The following HSP90AB1 variants were observed in gnomAD, a reference collection of about 807,000 sequenced individuals.
HSP90AB1 encodes the protein heat shock protein HSP 90-beta.
HSP90AB1 carries 17 observed loss-of-function variants against 67.8 expected under a neutral mutation model. The ratio of observed to expected loss-of-function variants is 0.25; its 90% CI spans 0.17 to 0.38. The LOEUF is 0.38. Among genes scored for constraint, HSP90AB1 ranks in the 10% least tolerant of loss-of-function variants. The probability of loss-of-function intolerance (pLI) is 1.00; values close to 1 mark genes in which losing one functional copy is unlikely to be tolerated. For missense variants in HSP90AB1, 690 were observed against 899.9 expected, an observed-to-expected ratio of 0.77 and a Z score of 2.98; for synonymous variants, 390 against 312.9, an observed-to-expected ratio of 1.25 and a Z score of -2.60.
At chr6:44,251,941 C>T (rs1402032328) in intron 9 of HSP90AB1, 57 bp downstream of exon 9, 5 of 1,613,086 alleles carry the variant, frequency 3.1e-6, no homozygotes, top group African/African-American at 2.7e-5. Context: ...ATTAGGGCTT[C>T]CTGGGAACTG....
intron 6 of HSP90AB1, 25 bp downstream of exon 6, chr6:44,250,624 CT>C: frequency 5.5e-6 from 7 of 1,275,536 alleles, no homozygotes; most frequent in African/African-American, 1.5e-5. Context: ...TGCATGTTGG[CT>C]CAACATGCAC....
chr6:44,253,436 G>C, intron 11 of HSP90AB1, 53 bp from the exon 12 acceptor site: 1 of 1,604,612 alleles, frequency 6.2e-7, no homozygotes, highest in South Asian at 1.1e-5. Flanking sequence ...CTCCTCTATG[G>C]ATTTGACTTA....
rs1348073275 is a variant in HSP90AB1, at chr6:44,253,518, G to C, written c.2095G>C (p.Glu699Gln). 4 of 1,614,102 alleles carry C rather than the reference G, an allele frequency of 2.5e-6. No individual in the cohort carries two copies. Among genetic ancestry groups the C allele is most frequent in the Non-Finnish European group, 3.4e-6 (4 of 1,179,960 alleles). ...TGATGAAGATGAAGTGGCAGCAGAG[G>C]AACCCAATGCTGCAGTTCCTGATGA... ...GIDEDEVAAE[E>Q]PNAAVPDEIP... Residue 699 changes from glutamate (E) to glutamine (Q), a missense_variant, in exon 12 of 12, where the codon GAA becomes CAA. Physicochemically the swap from Glu to Gln is conservative, Grantham distance 29. Coordinates refer to ENST00000371646, the MANE Select transcript of HSP90AB1 (RefSeq NM_007355.4).
At chr6:44,250,928 T>G in intron 6 of HSP90AB1, 120 bp from the exon 7 acceptor site, 3 of 854,588 alleles carry the variant, frequency 3.5e-6, no homozygotes, top group East Asian at 4.8e-5. Context: ...AGGAGCTGCT[T>G]GTTGTGTGTG....
In HSP90AB1 at chr6:44,253,565, T is replaced by C. The variant is rs1427135962; in HGVS notation, c.2142T>C (p.Asp714=). 2.5e-6 allele frequency: 4 copies of C among 1,613,936 alleles called. No homozygotes were observed. The highest frequency in any genetic ancestry group is 2.7e-5 in the African/African-American group (2 of 74,918). Residue 714 remains aspartate (D), a synonymous_variant, in exon 12 of 12, where the codon GAT becomes GAC. Transcript: ENST00000371646. ...ATGAGATCCCCCCTCTCGAGGGCGA[T>C]GAGGATGCGTCTCGCATGGAAGAAG... The part of the protein sequence containing the change: ...VPDEIPPLEG[D]EDASRMEEVD
Position 44,250,320 on chromosome 6 carries a change from T to C in HSP90AB1, c.678T>C (p.Ser226=), listed in dbSNP as rs569507880. 1.2e-6 allele frequency: 2 copies of C among 1,613,694 alleles called. No individual in the cohort carries two copies. Among genetic ancestry groups the C allele is most frequent in the African/African-American group, 2.7e-5 (2 of 74,912 alleles). The stretch of plus-strand genomic sequence containing the variant: ...AGAAGGAACGAGAGAAGGAAATTAG[T>C]GATGATGAGGCAGAGGAAGAGAAAG... ...YLEKEREKEI[S]DDEAEEEKGE... Residue 226 remains serine (S), a synonymous_variant, in exon 6 of 12, where the codon AGT becomes AGC. Transcript: ENST00000371646.
chr6:44,253,275 G>A lies in HSP90AB1; in HGVS notation c.1962G>A (p.Leu654=), dbSNP rs767880729. The A allele has an allele frequency of 5.6e-6, 9 of 1,614,196 alleles. No homozygotes were observed. Among genetic ancestry groups the A allele is most frequent in the Non-Finnish European group, 7.6e-6 (9 of 1,180,028 alleles). ...AGAATGATAAGGCAGTTAAGGACCT[G>A]GTGGTGCTGCTGTTTGAAACCGCCC... The part of the protein sequence containing the change: ...ADKNDKAVKD[L]VVLLFETALL... Residue 654 remains leucine (L), a synonymous_variant, in exon 11 of 12, where the codon CTG becomes CTA. Transcript: ENST00000371646.
chr6:44,249,966 G>T (rs564361440), intron 4 of HSP90AB1, 55 bp from the exon 5 acceptor site: 1 of 1,605,096 alleles, frequency 6.2e-7, no homozygotes, highest in Admixed American at 1.7e-5. Flanking sequence ...CTAATTGCTG[G>T]TCTCAACTGC....
chr6:44,249,982 C>CT (rs1561898770), intron 4 of HSP90AB1, 39 bp from the exon 5 acceptor site: 1 of 1,612,756 alleles, frequency 6.2e-7, no homozygotes, highest in South Asian at 1.1e-5. Flanking sequence ...ACTGCATATA[C>CT]TTTTTACCCT....
At position 44,253,476 on chromosome 6, in the gene HSP90AB1, A is replaced by C. The variant is rs745720486; in HGVS notation, c.2066-13A>C. 1.9e-6 allele frequency: 3 copies of C among 1,611,994 alleles called. No individual in the cohort carries two copies. The highest frequency in any genetic ancestry group is 1.7e-6 in the Non-Finnish European group (2 of 1,178,218). On this transcript the variant is annotated splice_polypyrimidine_tract_variant and intron_variant, in intron 11 of 11. Coordinates refer to ENST00000371646, the MANE Select transcript of HSP90AB1 (RefSeq NM_007355.4). ...TATTTGGTCAAGTCTCACATGGCTT[A>C]ATTTTACTTCAGGTATTGATGAAGA...
chr6:44,251,931 A>AT (rs1780690442), intron 9 of HSP90AB1, 47 bp downstream of exon 9: 2 of 1,613,224 alleles, frequency 1.2e-6, no homozygotes, highest in Admixed American at 1.7e-5. Context: ...GGGGAGCACA[A>AT]TTAGGGCTTC....
intron 7 of HSP90AB1, 39 bp from the exon 8 acceptor site, chr6:44,251,379 C>A: frequency 6.3e-7 from 1 of 1,579,608 alleles, no homozygotes; most frequent in South Asian, 1.1e-5. Context: ...TCTGGTCTAG[C>A]TGTTTTTTAC....
upstream of HSP90AB1, among the ~76,000 whole-genome samples, chr6:44,246,936 G>C (rs1392715903): frequency 6.6e-6 from 1 of 152,224 alleles, no homozygotes; most frequent in African/African-American, 2.4e-5. Flanking sequence ...TCCGTTGCTT[G>C]GGTTCTTCCC....
intron 8 of HSP90AB1, 22 bp from the exon 9 acceptor site, chr6:44,251,715 T>C: frequency 1.2e-6 from 2 of 1,608,260 alleles, no homozygotes; most frequent in Non-Finnish European, 1.7e-6. Flanking sequence ...CTGGATTGTT[T>C]TTCCTCTTCC....
At chr6:44,248,594 A>C (rs767201978) in intron 1 of HSP90AB1, 36 bp from the exon 2 acceptor site, 1 of 1,588,416 alleles carries the variant, frequency 6.3e-7, no homozygotes. Context: ...ATGGGGCCTT[A>C]GTGTTCTTTT....
At chr6:44,246,590 G>C (rs1193908497), upstream of HSP90AB1, among the ~76,000 whole-genome samples, 1 of 152,232 alleles carries the variant, frequency 6.6e-6, no homozygotes, top group East Asian at 1.9e-4. Flanking sequence ...CTCTACTCCT[G>C]CGAGAGTCGG....
chr6:44,250,747 G>A lies in HSP90AB1; in HGVS notation c.957+148G>A, dbSNP rs996545245. On this transcript the variant is annotated intron_variant, in intron 6 of 11. Coordinates refer to ENST00000371646, the MANE Select transcript of HSP90AB1 (RefSeq NM_007355.4). ...TGTGATTTCACTTACTGATTACCCTGTCATAGTGAAGTGCCATCATTTCTA... is the reference window on the plus strand; with the variant it reads ...TGTGATTTCACTTACTGATTACCCTATCATAGTGAAGTGCCATCATTTCTA... 4.7e-6 allele frequency: 3 copies of A among 639,692 alleles called. No homozygotes were observed. The East Asian group carries it at 8.1e-5, about 17-fold the overall frequency. 39.6% of individuals were successfully genotyped at this position (639,692 alleles called of 1,614,324 possible). A position where few individuals can be genotyped will look rare whatever the true frequency, so the allele number is the denominator to read the frequency against.
chr6:44,250,276 GT>G lies in HSP90AB1; in HGVS notation c.649-10del, dbSNP rs766633065. Reference sequence around the variant, plus strand: ...GTTTTGTACTCCAAGGCTAACTTCTGTTTTTGTTACTTAGTTGGAGAAGGAA... The same window carrying G: ...GTTTTGTACTCCAAGGCTAACTTCTGTTTTGTTACTTAGTTGGAGAAGGAA... On this transcript the variant is annotated splice_polypyrimidine_tract_variant and intron_variant, in intron 5 of 11. Coordinates refer to ENST00000371646, the MANE Select transcript of HSP90AB1 (RefSeq NM_007355.4). 8.1e-6 allele frequency: 13 copies of G among 1,612,240 alleles called. No homozygotes were observed. Among genetic ancestry groups the G allele is most frequent in the Non-Finnish European group, 1.1e-5 (13 of 1,179,108 alleles).
In HSP90AB1 at chr6:44,247,132, T is replaced by C. The variant is rs35074133; in HGVS notation, c.-64T>C. On this transcript the variant is annotated 5_prime_UTR_variant, in exon 1 of 12. Transcript: ENST00000371646. ...AGTCACTCCGGCGCAGTGTTGGGAC[T>C]GTCTGGGTATCGGAAAGCAAGCCTA... is the stretch of plus-strand genomic sequence containing the variant. 2 of 152,080 alleles carry C rather than the reference T, an allele frequency of 1.3e-5. No homozygotes were observed. The highest frequency in any genetic ancestry group is 4.8e-5 in the African/African-American group (2 of 41,432). 9.4% of individuals were successfully genotyped at this position (152,080 alleles called of 1,614,324 possible).
Sources: gnomAD v4.1 joint callset for allele counts (sites outside exome capture counted in the v4.1 genomes callset) on GRCh38, gnomAD v4.1.1 for gene constraint, MANE v1.5 for transcripts, NCBI Gene and HGNC (gene_info 2026-07-23, HGNC 2026-07-21) for gene names.